Variants in RARB observed in about 807,000 individuals in gnomAD.
The protein encoded by RARB is retinoic acid receptor beta, also known as HBV-activated protein.
A neutral mutation model predicts 51.9 loss-of-function variants in RARB; 17 were observed. The ratio of observed to expected loss-of-function variants is 0.33; its 90% CI spans 0.22 to 0.49. The LOEUF is 0.49. RARB is among the 20% of genes least tolerant of loss of function. RARB has a pLI of 0.99. For synonymous variants in RARB, 215 were observed against 195.4 expected, an observed-to-expected ratio of 1.10 and a Z score of -0.84; for missense variants, 369 against 550.8, an observed-to-expected ratio of 0.67 and a Z score of 3.30.
At chr3:25,143,403 C>A (rs1421874513) in intron 4 of RARB, among the ~76,000 whole-genome samples, 1 of 152,166 alleles carries the variant, frequency 6.6e-6, no homozygotes, top group Non-Finnish European at 1.5e-5. Context: ...CACAACTTAG[C>A]CAAGCTGTGT....
At chr3:25,406,523 GC>G (rs1707413272) in intron 5 of RARB, among the ~76,000 whole-genome samples, 1 of 152,190 alleles carries the variant, frequency 6.6e-6, no homozygotes, top group Non-Finnish European at 1.5e-5. Flanking sequence ...GAACCTCTGT[GC>G]TTGCACACCC....
intron 5 of RARB, among the ~76,000 whole-genome samples, chr3:25,366,343 G>A (rs752938126): frequency 4.6e-5 from 7 of 152,102 alleles, no homozygotes; most frequent in Non-Finnish European, 1.0e-4. Context: ...ATGATGCTTT[G>A]CCTTCTACCC....
At chr3:25,034,176 G>A (rs573787527) in intron 2 of RARB, among the ~76,000 whole-genome samples, 29 of 152,294 alleles carry the variant, frequency 1.9e-4, no homozygotes, top group African/African-American at 6.7e-4. Context: ...TGGATGTGGT[G>A]GCGTATGCCT....
At chr3:25,051,393 A>G (rs1412264601) in intron 2 of RARB, among the ~76,000 whole-genome samples, 1 of 152,200 alleles carries the variant, frequency 6.6e-6, no homozygotes, top group Non-Finnish European at 1.5e-5. Context: ...GCTTCTAAGT[A>G]CTTTCAAAGA....
Position 25,461,204 on chromosome 3 carries a change from C to T in RARB, c.169C>T (p.Gln57Ter). ...CATCTCTATTATAGCAATTGAAACACAGAGCACCAGCTCTGAGGAACTCGT... is the reference window on the plus strand; with the variant it reads ...CATCTCTATTATAGCAATTGAAACATAGAGCACCAGCTCTGAGGAACTCGT... ...HRHTAQSIETQSTSSEELVPS... is the reference protein window; with the variant it reads ...HRHTAQSIET Residue 57 changes from glutamine to a stop codon, truncating the protein, a stop_gained, in exon 2 of 8, where the codon CAG becomes TAG. Transcript: ENST00000330688. LOFTEE classifies it high-confidence loss of function. The T allele has an allele frequency of 6.2e-7, 1 of 1,610,366 alleles. No homozygotes were observed. Among genetic ancestry groups the T allele is most frequent in the Non-Finnish European group, 8.5e-7 (1 of 1,178,558 alleles).
At chr3:25,419,774 A>G (rs1707807710) in intron 5 of RARB, among the ~76,000 whole-genome samples, 1 of 152,204 alleles carries the variant, frequency 6.6e-6, no homozygotes, top group Non-Finnish European at 1.5e-5. Flanking sequence ...ACAGAGGGAA[A>G]GTATTTGATA....
chr3:25,381,619 T>C (rs1271090067), intron 5 of RARB, among the ~76,000 whole-genome samples: 1 of 152,234 alleles, frequency 6.6e-6, no homozygotes, highest in Non-Finnish European at 1.5e-5. Flanking sequence ...GAAACAGATG[T>C]TTTGAGAAAT....
At chr3:25,440,946 T>C (rs1708649296) in intron 1 of RARB, among the ~76,000 whole-genome samples, 2 of 152,102 alleles carry the variant, frequency 1.3e-5, no homozygotes, top group Non-Finnish European at 2.9e-5. Flanking sequence ...CACACGCAAA[T>C]GAAGATGGAA....
chr3:25,162,589 C>T (rs1449988321), intron 4 of RARB, among the ~76,000 whole-genome samples: 1 of 152,184 alleles, frequency 6.6e-6, no homozygotes, highest in East Asian at 1.9e-4. Flanking sequence ...CTATTCTTTC[C>T]TCCCTCTAGC....
At chr3:24,928,036 T>C (rs768992737) in intron 2 of RARB, among the ~76,000 whole-genome samples, 1 of 152,086 alleles carries the variant, frequency 6.6e-6, no homozygotes, top group Non-Finnish European at 1.5e-5. Context: ...CAAGGGGTTA[T>C]AAATATTTTT....
chr3:25,447,499 C>T (rs577668944), intron 1 of RARB, among the ~76,000 whole-genome samples: 2 of 152,270 alleles, frequency 1.3e-5, no homozygotes, highest in South Asian at 4.1e-4. Flanking sequence ...GGCAGGTGCT[C>T]AATAAATGTT....
chr3:25,383,407 T>C (rs1415946532), intron 5 of RARB, among the ~76,000 whole-genome samples: 1 of 152,210 alleles, frequency 6.6e-6, no homozygotes, highest in Admixed American at 6.5e-5. Context: ...GATTTGCTTA[T>C]TAGATTTGGC....
upstream of RARB, among the ~76,000 whole-genome samples, chr3:25,424,460 C>T (rs987432656): frequency 6.6e-6 from 1 of 152,218 alleles, no homozygotes; most frequent in Non-Finnish European, 1.5e-5. Context: ...ACATCTCTGC[C>T]TTGGCTTCCC....
At chr3:25,395,306 C>T (rs7634400) in intron 5 of RARB, among the ~76,000 whole-genome samples, 27,377 of 152,114 alleles carry the variant, frequency 0.18, 2,696 homozygotes, top group Admixed American at 0.3. Flanking sequence ...AGTTACCTGA[C>T]GCTTTTGCCT....
At chr3:25,294,685 G>A (rs539103334) in intron 5 of RARB, among the ~76,000 whole-genome samples, 1 of 147,730 alleles carries the variant, frequency 6.8e-6, no homozygotes, top group South Asian at 2.2e-4. Flanking sequence ...AGAGAGGAGA[G>A]AGACCATAGC....
intron 2 of RARB, among the ~76,000 whole-genome samples, chr3:24,931,019 A>C (rs1259040640): frequency 1.3e-5 from 2 of 152,184 alleles, no homozygotes; most frequent in East Asian, 3.9e-4. Flanking sequence ...TCTCTGAAAA[A>C]AGAAAAGAGG....
At position 25,231,254 on chromosome 3, in the gene RARB, G is replaced by A. The variant is rs6800546; in HGVS notation, c.178+56679G>A. On this transcript the variant is annotated intron_variant, in intron 5 of 11. Coordinates refer to the RARB transcript ENST00000383772. ...TTAAAGGGATTGTTCATCAAGACAG[G>A]GTCCAGCAAAGCAATGCTTGCTTTT... Among the ~76,000 whole-genome samples, 915 of 152,176 alleles carry A rather than the reference G, an allele frequency of 6.0e-3. 16 individuals carry two copies. Among genetic ancestry groups the A allele is most frequent in the African/African-American group, 0.02 (813 of 41,526 alleles).
chr3:25,067,575 G>T (rs903713539), intron 3 of RARB, among the ~76,000 whole-genome samples: 2 of 152,106 alleles, frequency 1.3e-5, no homozygotes, highest in African/African-American at 4.8e-5. Flanking sequence ...TTAAAACATG[G>T]ATTCCTTATG....
At chr3:25,251,121 C>G (rs765210682) in intron 5 of RARB, among the ~76,000 whole-genome samples, 2 of 152,126 alleles carry the variant, frequency 1.3e-5, no homozygotes, top group Non-Finnish European at 2.9e-5. Context: ...CTCTATTCAG[C>G]CACCTTGAAT....
Sources: gnomAD v4.1 joint callset for allele counts (sites outside exome capture counted in the v4.1 genomes callset) on GRCh38, gnomAD v4.1.1 for gene constraint, MANE v1.5 for transcripts, NCBI Gene and HGNC (gene_info 2026-07-23, HGNC 2026-07-21) for gene names.